The following DYNC1I1 variants were observed in gnomAD, a reference collection of about 807,000 sequenced individuals.
DYNC1I1 encodes cytoplasmic dynein 1 intermediate chain 1.
In DYNC1I1, 43 loss-of-function variants were observed where a neutral mutation model predicts 86.6. The observed-to-expected ratio is 0.50, with a 90% CI of 0.39 to 0.64. The LOEUF (loss-of-function observed/expected upper bound fraction) is 0.64. DYNC1I1 is among the 30% of genes least tolerant of loss of function. DYNC1I1 has a pLI of 0.00. For synonymous variants in DYNC1I1, 262 were observed against 283.7 expected (o/e 0.92, Z 0.77); for missense variants, 604 against 788.8 (o/e 0.77, Z 2.81).
intron 6 of DYNC1I1, among the ~76,000 whole-genome samples, chr7:95,940,353 A>G (rs1396508813): frequency 2.0e-5 from 3 of 152,044 alleles, no homozygotes; most frequent in Admixed American, 1.3e-4. Context: ...CTGCCTTGCT[A>G]GATTGGGGAA....
Position 95,811,787 on chromosome 7 carries a change from T to G in DYNC1I1, c.223+1281T>G, listed in dbSNP as rs80143531. On this transcript the variant is annotated intron_variant, in intron 3 of 16. Transcript: ENST00000447467. ...TCTACTTAGGAGCTGATACACATTTTTTTCTACTTAGTTGACATCTGATAT... is the reference window on the plus strand; with the variant it reads ...TCTACTTAGGAGCTGATACACATTTGTTTCTACTTAGTTGACATCTGATAT... Among the ~76,000 whole-genome samples, 77 of 152,290 alleles carry G rather than the reference T, an allele frequency of 5.1e-4. 1 individual carries two copies. The highest frequency in any genetic ancestry group is 1.8e-3 in the African/African-American group (75 of 41,564).
chr7:95,973,357 T>G (rs998288984), intron 6 of DYNC1I1, among the ~76,000 whole-genome samples: 1 of 152,188 alleles, frequency 6.6e-6, no homozygotes, highest in Non-Finnish European at 1.5e-5. Flanking sequence ...ACTTACTTTA[T>G]GTCTTTAAAA....
At chr7:95,789,113 A>C (rs1292676024) in intron 1 of DYNC1I1, among the ~76,000 whole-genome samples, 1 of 152,210 alleles carries the variant, frequency 6.6e-6, no homozygotes, top group African/African-American at 2.4e-5. Flanking sequence ...AGAAGGGTTT[A>C]AGCCTTTTAG....
At chr7:96,048,873 C>T (rs971600988) in intron 14 of DYNC1I1, among the ~76,000 whole-genome samples, 3 of 152,166 alleles carry the variant, frequency 2.0e-5, no homozygotes, top group African/African-American at 7.2e-5. Flanking sequence ...TAAACAGTTA[C>T]GCTTGAAACT....
chr7:95,913,603 T>C (rs914518947), intron 6 of DYNC1I1, among the ~76,000 whole-genome samples: 6 of 152,230 alleles, frequency 3.9e-5, no homozygotes, highest in Non-Finnish European at 8.8e-5. Context: ...CCTTCTTCCA[T>C]GATTATGAGG....
chr7:95,874,857 T>G (rs1321692650), intron 6 of DYNC1I1, among the ~76,000 whole-genome samples: 1 of 152,208 alleles, frequency 6.6e-6, no homozygotes, highest in Non-Finnish European at 1.5e-5. Context: ...GTTTATGCTA[T>G]TTTTCATGGC....
intron 10 of DYNC1I1, among the ~76,000 whole-genome samples, chr7:96,009,841 A>C (rs1273418633): frequency 6.6e-6 from 1 of 151,346 alleles, no homozygotes; most frequent in Non-Finnish European, 1.5e-5. Flanking sequence ...GTTCAGTGGC[A>C]CGATCTCGGC....
chr7:95,993,774 T>C (rs1584234388), intron 9 of DYNC1I1, among the ~76,000 whole-genome samples: 1 of 151,918 alleles, frequency 6.6e-6, no homozygotes, highest in Non-Finnish European at 1.5e-5. Context: ...TTATTTTTAA[T>C]AGAAAAAAAA....
intron 13 of DYNC1I1, 22 bp from the exon 14 acceptor site, chr7:96,039,255 C>T (rs771664165): frequency 2.5e-6 from 4 of 1,603,014 alleles, no homozygotes; most frequent in Non-Finnish European, 3.4e-6. Flanking sequence ...TGGAATTCTG[C>T]TCATGTGTGC....
intron 5 of DYNC1I1, among the ~76,000 whole-genome samples, chr7:95,837,971 A>T (rs1216383077): frequency 6.6e-6 from 1 of 152,190 alleles, no homozygotes; most frequent in Admixed American, 6.5e-5. Context: ...AGCTGTTCCT[A>T]TTCGGCCATC....
At chr7:96,088,023 AT>A (rs1408425077) in intron 16 of DYNC1I1, among the ~76,000 whole-genome samples, 4 of 152,186 alleles carry the variant, frequency 2.6e-5, no homozygotes, top group Non-Finnish European at 4.4e-5. Flanking sequence ...GGCGCAATTA[AT>A]TCCAATTAAT....
intron 6 of DYNC1I1, among the ~76,000 whole-genome samples, chr7:95,909,236 A>AGGGGGGGGGGGGGGGGGGG (rs1476037005): frequency 1.1e-3 from 4 of 3,756 alleles, no homozygotes; most frequent in Admixed American, 6.4e-3. Context: ...GGAGGGTGGG[A>AGGGGGGGGGGGGGGGGGGG]GGGGGGTGGG....
chr7:95,990,799 G>T (rs530529768), intron 9 of DYNC1I1, among the ~76,000 whole-genome samples: 1 of 152,256 alleles, frequency 6.6e-6, no homozygotes, highest in East Asian at 1.9e-4. Context: ...GGAGGCCACA[G>T]CAGGAGGATC....
At chr7:96,042,353 A>T (rs1271873922) in intron 14 of DYNC1I1, among the ~76,000 whole-genome samples, 1 of 152,202 alleles carries the variant, frequency 6.6e-6, no homozygotes, top group Non-Finnish European at 1.5e-5. Context: ...ACAAAAGAAT[A>T]CATATTCACT....
intron 6 of DYNC1I1, among the ~76,000 whole-genome samples, chr7:95,906,666 A>G (rs1480722751): frequency 1.3e-5 from 2 of 152,006 alleles, no homozygotes; most frequent in East Asian, 3.9e-4. Context: ...TTTAAGCTGT[A>G]TGCTTATATT....
At chr7:95,831,395 CAGAGTCTCACTCT>C (rs1389085853) in intron 5 of DYNC1I1, among the ~76,000 whole-genome samples, 2 of 152,076 alleles carry the variant, frequency 1.3e-5, no homozygotes, top group East Asian at 3.9e-4. Context: ...TATTTTGAGA[CAGAGTCTCACTCT>C]GTCACCTAGG....
At chr7:95,884,042 G>A (rs1163457771) in intron 6 of DYNC1I1, among the ~76,000 whole-genome samples, 4 of 152,116 alleles carry the variant, frequency 2.6e-5, no homozygotes, top group African/African-American at 9.7e-5. Context: ...CTCAAATTCT[G>A]GTTCTGGAAA....
chr7:95,870,643 T>G (rs1790138775), intron 6 of DYNC1I1, among the ~76,000 whole-genome samples: 1 of 152,244 alleles, frequency 6.6e-6, no homozygotes, highest in Non-Finnish European at 1.5e-5. Flanking sequence ...CCATGCAAAC[T>G]CCACATAGGT....
intron 5 of DYNC1I1, among the ~76,000 whole-genome samples, chr7:95,865,080 C>G (rs1161844286): frequency 1.3e-5 from 2 of 152,110 alleles, no homozygotes; most frequent in African/African-American, 4.8e-5. Context: ...AATTTGCCTT[C>G]TAACCGTCTC....
Sources: allele counts gnomAD v4.1 joint callset (sites outside exome capture counted in the v4.1 genomes callset), GRCh38; gene constraint gnomAD v4.1.1; transcripts MANE v1.5; gene names NCBI Gene and HGNC (gene_info 2026-07-23, HGNC 2026-07-21).